Variants in DCUN1D3 observed in about 807,000 individuals in gnomAD.
DCUN1D3 encodes DCN1-like protein 3.
DCUN1D3 carries 6 observed loss-of-function variants against 24.8 expected under a neutral mutation model. The ratio of observed to expected loss-of-function variants is 0.24; its 90% CI spans 0.13 to 0.48. The LOEUF (loss-of-function observed/expected upper bound fraction) is 0.48. Among genes scored for constraint, DCUN1D3 ranks in the 20% least tolerant of loss-of-function variants. DCUN1D3 has a pLI of 0.99. For missense variants in DCUN1D3, 258 were observed against 379.4 expected (o/e 0.68, Z 2.66); for synonymous variants, 120 against 144.9 (o/e 0.83, Z 1.24).
intron 1 of DCUN1D3, among the ~76,000 whole-genome samples, chr16:20,888,463 T>C (rs2081876944): frequency 6.6e-6 from 1 of 152,202 alleles, no homozygotes; most frequent in South Asian, 2.1e-4. Context: ...TGTACATCTA[T>C]TTTTTGTTTG....
Position 20,886,198 on chromosome 16 carries a change from T to C in DCUN1D3, c.-106+14006A>G, listed in dbSNP as rs147661637. ...TGCTTGAGTTAGTCAAGTCTTTATT[T>C]TTTTGCCTGAGACTTCTGAAGGCAA... On this transcript the variant is annotated intron_variant, in intron 1 of 2. Transcript: ENST00000324344. Among the ~76,000 whole-genome samples the C allele has an allele frequency of 9.1e-4, 138 of 152,284 alleles. 1 individual carries two copies. Among genetic ancestry groups the C allele is most frequent in the African/African-American group, 3.2e-3 (131 of 41,542 alleles).
chr16:20,866,434 C>G (rs910131121), intron 1 of DCUN1D3, among the ~76,000 whole-genome samples: 1 of 152,106 alleles, frequency 6.6e-6, no homozygotes, highest in Non-Finnish European at 1.5e-5. Context: ...CCCACCTACC[C>G]CAGGCCACTC....
At chr16:20,874,967 G>A (rs1302039366) in intron 1 of DCUN1D3, among the ~76,000 whole-genome samples, 2 of 152,080 alleles carry the variant, frequency 1.3e-5, no homozygotes, top group East Asian at 1.9e-4. Flanking sequence ...GCTTTGCAAA[G>A]TAAGACATCT....
At chr16:20,877,505 A>G (rs755262644) in intron 1 of DCUN1D3, among the ~76,000 whole-genome samples, 1 of 152,212 alleles carries the variant, frequency 6.6e-6, no homozygotes, top group Non-Finnish European at 1.5e-5. Flanking sequence ...TACCCTGTGC[A>G]CCTAGGCTAT....
At position 20,862,528 on chromosome 16, in the gene DCUN1D3, C is replaced by T; in HGVS notation, c.11G>A (p.Cys4Tyr). ...TGAGGGATTCTTACACTTGGTGACACACTGGCCCATGGTGCTGGTGGCCTG... is the reference window on the plus strand; with the variant it reads ...TGAGGGATTCTTACACTTGGTGACATACTGGCCCATGGTGCTGGTGGCCTG... MGQ[C>Y]VTKCKNPSST... The change falls in exon 2 of 3, where the codon TGT becomes TAT. Residue 4 changes from cysteine to tyrosine, a missense_variant. Cys to Tyr is a radical substitution (Grantham distance 194). Coordinates refer to ENST00000324344, the MANE Select transcript of DCUN1D3 (RefSeq NM_173475.4). The T allele has an allele frequency of 6.2e-7, 1 of 1,602,644 alleles. No individual in the cohort carries two copies. Among genetic ancestry groups the T allele is most frequent in the Non-Finnish European group, 8.5e-7 (1 of 1,179,188 alleles).
At chr16:20,882,250 C>T (rs999980217) in intron 1 of DCUN1D3, among the ~76,000 whole-genome samples, 11 of 132,234 alleles carry the variant, frequency 8.3e-5, no homozygotes, top group African/African-American at 3.0e-4. Flanking sequence ...TATAACATTG[C>T]TATTTTTTTT....
At chr16:20,879,651 G>A (rs557847402) in intron 1 of DCUN1D3, among the ~76,000 whole-genome samples, 3 of 152,282 alleles carry the variant, frequency 2.0e-5, no homozygotes, top group African/African-American at 4.8e-5. Flanking sequence ...TAGGAGAATC[G>A]CTCTGGTGGA....
At chr16:20,888,821 T>C (rs1488282698) in intron 1 of DCUN1D3, among the ~76,000 whole-genome samples, 1 of 152,204 alleles carries the variant, frequency 6.6e-6, no homozygotes. Context: ...GTGCCGTGGC[T>C]CACACCTGTA....
In DCUN1D3 at chr16:20,877,344, C is replaced by CA. The variant is rs1194255510; in HGVS notation, c.-105-14702dup. 7.9e-5 allele frequency among the ~76,000 whole-genome samples: 12 copies of CA among 152,256 alleles called. No individual in the cohort carries two copies. In the East Asian group the frequency reaches 2.3e-3, roughly 29 times the overall value. On this transcript the variant is annotated intron_variant, in intron 1 of 2. Transcript: ENST00000324344. ...CACGTGCTGACATGTGTTCCATGTT[C>CA]AACCAATCCAAATGCCACTTCCCTC...
intron 1 of DCUN1D3, among the ~76,000 whole-genome samples, chr16:20,874,400 A>G (rs939095933): frequency 6.6e-6 from 1 of 152,250 alleles, no homozygotes; most frequent in African/African-American, 2.4e-5. Context: ...ACCTCCTTCA[A>G]GTAGATATGC....
In DCUN1D3 at chr16:20,855,661, G is replaced by C. The variant is rs891585408; in HGVS notation, c.*4225C>G. On this transcript the variant is annotated 3_prime_UTR_variant, in exon 3 of 3. Transcript: ENST00000324344. ...TCTTTCGAAAAGGGGGAAAACCCCT[G>C]CCGATCCTCACCAACATGCAGTCCC... The C allele has an allele frequency of 1.3e-5, 2 of 152,228 alleles. No homozygotes were observed. Among genetic ancestry groups the C allele is most frequent in the African/African-American group, 4.8e-5 (2 of 41,436 alleles). The allele number at this position is 152,228 out of a possible 1,614,324, so 9.4% of individuals were successfully genotyped here. A position where few individuals can be genotyped will look rare whatever the true frequency, so the allele number is the denominator to read the frequency against.
At chr16:20,878,222 T>C (rs2081825879) in intron 1 of DCUN1D3, among the ~76,000 whole-genome samples, 1 of 152,196 alleles carries the variant, frequency 6.6e-6, no homozygotes, top group South Asian at 2.1e-4. Context: ...TATGAGTTTC[T>C]CAGATAATGT....
intron 1 of DCUN1D3, among the ~76,000 whole-genome samples, chr16:20,878,967 C>T (rs745803693): frequency 6.6e-6 from 1 of 152,188 alleles, no homozygotes; most frequent in Non-Finnish European, 1.5e-5. Flanking sequence ...CGCTGGCTGG[C>T]AGACCCACAC....
intron 1 of DCUN1D3, among the ~76,000 whole-genome samples, chr16:20,892,504 C>G (rs2081896678): frequency 6.6e-6 from 1 of 152,204 alleles, no homozygotes; most frequent in Non-Finnish European, 1.5e-5. Context: ...CATAAAGCAA[C>G]TATTTAATTG....
In DCUN1D3 at chr16:20,881,775, C is replaced by T. The variant is rs141312916; in HGVS notation, c.-106+18429G>A. ...ACCAAACTGCTCCCCTAATTTCAAACATCCTTTCAGTTAGGTGGGGAAATG... is the reference window on the plus strand; with the variant it reads ...ACCAAACTGCTCCCCTAATTTCAAATATCCTTTCAGTTAGGTGGGGAAATG... On this transcript the variant is annotated intron_variant, in intron 1 of 2. Transcript: ENST00000324344. Among the ~76,000 whole-genome samples the T allele has an allele frequency of 1.4e-4, 22 of 152,252 alleles. No individual in the cohort carries two copies. The East Asian group carries it at 4.2e-3, about 29-fold the overall frequency.
intron 1 of DCUN1D3, among the ~76,000 whole-genome samples, chr16:20,879,097 A>G (rs527568181): frequency 1.3e-5 from 2 of 152,340 alleles, no homozygotes; most frequent in East Asian, 3.9e-4. Context: ...GCTGTTTTAT[A>G]AAAACAGAGC....
chr16:20,863,033 C>T (rs1032544048), intron 1 of DCUN1D3, among the ~76,000 whole-genome samples: 2 of 152,352 alleles, frequency 1.3e-5, no homozygotes, highest in South Asian at 4.1e-4. Flanking sequence ...GGTTCATCTT[C>T]TAATTCCTAA....
At chr16:20,883,647 T>C (rs902511814) in intron 1 of DCUN1D3, among the ~76,000 whole-genome samples, 1 of 152,228 alleles carries the variant, frequency 6.6e-6, no homozygotes, top group Non-Finnish European at 1.5e-5. Flanking sequence ...AAGTACTGTA[T>C]GAAAATAGCA....
chr16:20,859,546 A>C lies in DCUN1D3; in HGVS notation c.*340T>G. On this transcript the variant is annotated 3_prime_UTR_variant, in exon 3 of 3. Coordinates refer to ENST00000324344, the MANE Select transcript of DCUN1D3 (RefSeq NM_173475.4). ...GCTCTATGCCCTCCCCTACCAAAAAAAAAAAAAAAAAAACAAAAAAAAACA... is the reference window on the plus strand; with the variant it reads ...GCTCTATGCCCTCCCCTACCAAAAACAAAAAAAAAAAAACAAAAAAAAACA... The C allele has an allele frequency of 1.1e-5, 2 of 178,660 alleles. No individual in the cohort carries two copies. The highest frequency in any genetic ancestry group is 1.6e-4 in the South Asian group (1 of 6,238). The allele number at this position is 178,660 out of a possible 1,614,324, so 11.1% of individuals were successfully genotyped here. A position where few individuals can be genotyped will look rare whatever the true frequency, so the allele number is the denominator to read the frequency against.
Sources: gnomAD v4.1 joint callset for allele counts (sites outside exome capture counted in the v4.1 genomes callset) on GRCh38, gnomAD v4.1.1 for gene constraint, MANE v1.5 for transcripts, NCBI Gene and HGNC (gene_info 2026-07-23, HGNC 2026-07-21) for gene names.